Variants in SMARCA5 observed in about 807,000 individuals in gnomAD.
SMARCA5 encodes SWI/SNF-related matrix-associated actin-dependent regulator of chromatin subfamily A member 5.
A neutral mutation model predicts 140.4 loss-of-function variants in SMARCA5; 18 were observed. That is an observed-to-expected ratio of 0.13 (90% CI 0.09 to 0.19). SMARCA5 has a LOEUF of 0.19. SMARCA5 is among the 10% of genes least tolerant of loss of function. The pLI is 1.00. For synonymous variants in SMARCA5, 449 were observed against 419.6 expected (o/e 1.07, Z -0.86); for missense variants, 606 against 1,276.8 (o/e 0.47, Z 8.01).
At chr4:143,539,697 T>G (rs1737389980) in intron 13 of SMARCA5, among the ~76,000 whole-genome samples, 1 of 151,972 alleles carries the variant, frequency 6.6e-6, no homozygotes, top group Non-Finnish European at 1.5e-5. Flanking sequence ...CCACCACGCC[T>G]GACTAATTTT....
Position 143,513,892 on chromosome 4 carries a change from T to C in SMARCA5, c.-33T>C. ...CGTCCATCCCCGCCGGACTCGGGCC[T>C]CTGGCAGCAGCGGGTGACGCAGACG... On this transcript the variant is annotated 5_prime_UTR_variant, in exon 1 of 24. Transcript: ENST00000283131. The C allele has an allele frequency of 6.5e-7, 1 of 1,533,446 alleles. No individual in the cohort carries two copies. 95.0% of individuals were successfully genotyped at this position (1,533,446 alleles called of 1,614,324 possible).
Position 143,553,103 on chromosome 4 carries a change from TTC to T in SMARCA5, c.3094-14_3094-13del, listed in dbSNP as rs1553962760. ...ATATTAGTCTTGTGAAAAGTAATCC[TTC>T]TGTCTGTTTGTAGACACAGAAACGT... On this transcript the variant is annotated splice_polypyrimidine_tract_variant and intron_variant, in intron 23 of 23. Transcript: ENST00000283131. 6.2e-7 allele frequency: 1 copy of T among 1,601,762 alleles called. No individual in the cohort carries two copies. The highest frequency in any genetic ancestry group is 8.6e-7 in the Non-Finnish European group (1 of 1,169,158).
intron 16 of SMARCA5, 160 bp downstream of exon 16, chr4:143,544,132 G>A: frequency 2.3e-6 from 1 of 434,768 alleles, no homozygotes; most frequent in Non-Finnish European, 4.0e-6. Flanking sequence ...TTTAATGCCA[G>A]TTTTTCAGTT....
intron 20 of SMARCA5, 121 bp from the exon 21 acceptor site, chr4:143,547,264 A>C: frequency 1.6e-6 from 1 of 610,238 alleles, no homozygotes; most frequent in Non-Finnish European, 2.9e-6. Flanking sequence ...TGCTGTGGTG[A>C]GTCTGCTTAG....
At chr4:143,528,082 T>A in intron 7 of SMARCA5, 59 bp downstream of exon 7, 1 of 1,347,288 alleles carries the variant, frequency 7.4e-7, no homozygotes. Flanking sequence ...AAGTACAGAT[T>A]TTTTTTTCTT....
chr4:143,528,579 T>C lies in SMARCA5; in HGVS notation c.958-4T>C, dbSNP rs779926206. The C allele has an allele frequency of 4.3e-6, 7 of 1,609,282 alleles. 1 individual carries two copies. The Middle Eastern group carries it at 6.6e-4, about 153-fold the overall frequency. On this transcript the variant is annotated splice_polypyrimidine_tract_variant and splice_region_variant and intron_variant, in intron 7 of 23. Coordinates refer to ENST00000283131, the MANE Select transcript of SMARCA5 (RefSeq NM_003601.4). ...TAATGGTGTATTTGGTTCTTTTCTTTCAGTTGTCAGAAATAGTGAGGGAAT... is the reference window on the plus strand; with the variant it reads ...TAATGGTGTATTTGGTTCTTTTCTTCCAGTTGTCAGAAATAGTGAGGGAAT...
intron 14 of SMARCA5, 97 bp from the exon 15 acceptor site, chr4:143,543,412 T>C: frequency 1.0e-6 from 1 of 980,376 alleles, no homozygotes; most frequent in Middle Eastern, 3.1e-4. Flanking sequence ...ACATTTGAGA[T>C]AAAATTATAA....
rs540504088 is a variant in SMARCA5 at position 143,528,471 on chromosome 4, T to C, written c.958-112T>C. The C allele has an allele frequency of 7.1e-6, 6 of 841,374 alleles. No individual in the cohort carries two copies. The South Asian group carries it at 9.3e-5, about 13-fold the overall frequency. The allele number at this position is 841,374 out of a possible 1,614,324, so 52.1% of individuals were successfully genotyped here. A position where few individuals can be genotyped will look rare whatever the true frequency, so the allele number is the denominator to read the frequency against. Reference sequence around the variant, plus strand: ...TCGCTGATGTATATGTGCCATATTTTCTTTAACCGGTCTATCATTGTTGGG... The same window carrying C: ...TCGCTGATGTATATGTGCCATATTTCCTTTAACCGGTCTATCATTGTTGGG... On this transcript the variant is annotated intron_variant, in intron 7 of 23. Coordinates refer to ENST00000283131, the MANE Select transcript of SMARCA5 (RefSeq NM_003601.4).
Position 143,557,169 on chromosome 4 carries a change from G to A in SMARCA5, c.*3985G>A, listed in dbSNP as rs1407061555. 2 of 152,168 alleles carry A rather than the reference G, an allele frequency of 1.3e-5. No individual in the cohort carries two copies. The highest frequency in any genetic ancestry group is 2.9e-5 in the Non-Finnish European group (2 of 68,032). 9.4% of individuals were successfully genotyped at this position (152,168 alleles called of 1,614,324 possible). A position where few individuals can be genotyped will look rare whatever the true frequency, so the allele number is the denominator to read the frequency against. ...CTAGGTACTTGCCTTTAACTCTACA[G>A]CATACAAGGTGTGTGGCTCTTATCT... is the stretch of plus-strand genomic sequence containing the variant. On this transcript the variant is annotated 3_prime_UTR_variant, in exon 24 of 24. Transcript: ENST00000283131.
chr4:143,531,193 G>C (rs2149820211), intron 9 of SMARCA5, among the ~76,000 whole-genome samples: 1 of 152,266 alleles, frequency 6.6e-6, no homozygotes, highest in Non-Finnish European at 1.5e-5. Flanking sequence ...CTTTTGAAAG[G>C]GCTAAAGATC....
chr4:143,549,511 T>C (rs573892959), intron 22 of SMARCA5, among the ~76,000 whole-genome samples: 13 of 152,222 alleles, frequency 8.5e-5, no homozygotes, highest in Admixed American at 2.6e-4. Flanking sequence ...TAGACTTCCA[T>C]GGCTGGTTTT....
At position 143,555,377 on chromosome 4, in the gene SMARCA5, CCAT is replaced by C. The variant is rs1010584101; in HGVS notation, c.*2194_*2196del. ...ACTGCCACCATATCCATCACCACCA[CCAT>C]GGCTGCCACCAAAGCCACCACGATC... On this transcript the variant is annotated 3_prime_UTR_variant, in exon 24 of 24. Transcript: ENST00000283131. 127 of 693,400 alleles carry C rather than the reference CCAT, an allele frequency of 1.8e-4. No homozygotes were observed. In the Admixed American group the frequency reaches 2.2e-3, roughly 12 times the overall value. The allele number at this position is 693,400 out of a possible 1,614,324, so 43.0% of individuals were successfully genotyped here. A position where few individuals can be genotyped will look rare whatever the true frequency, so the allele number is the denominator to read the frequency against.
At chr4:143,522,152 A>C (rs1002057509) in intron 3 of SMARCA5, among the ~76,000 whole-genome samples, 2 of 152,174 alleles carry the variant, frequency 1.3e-5, no homozygotes, top group African/African-American at 4.8e-5. Context: ...TATTTTATCT[A>C]AAGTGTGGTG....
chr4:143,528,989 C>T (rs1737128519), intron 8 of SMARCA5, among the ~76,000 whole-genome samples: 2 of 152,026 alleles, frequency 1.3e-5, no homozygotes, highest in South Asian at 4.1e-4. Flanking sequence ...TGCTGAAGTG[C>T]AGTGGTGTGA....
chr4:143,527,186 T>C (rs1393406612), intron 6 of SMARCA5, among the ~76,000 whole-genome samples: 1 of 152,198 alleles, frequency 6.6e-6, no homozygotes, highest in Admixed American at 6.5e-5. Flanking sequence ...GACAACATCC[T>C]TGTGGGAAGA....
chr4:143,529,252 A>T (rs1324461324), intron 8 of SMARCA5, among the ~76,000 whole-genome samples: 1 of 152,026 alleles, frequency 6.6e-6, no homozygotes, highest in Non-Finnish European at 1.5e-5. Flanking sequence ...TCTTTAAATC[A>T]TTGTTTTCTC....
chr4:143,514,149 G>C, intron 1 of SMARCA5, 48 bp downstream of exon 1: 1 of 1,456,140 alleles, frequency 6.9e-7, no homozygotes, highest in Non-Finnish European at 9.0e-7. Context: ...GGGAGGAGGA[G>C]CTGGCTCCCT....
At chr4:143,514,542 A>T (rs1736782691) in intron 1 of SMARCA5, 1 of 159,054 alleles carries the variant, frequency 6.3e-6, no homozygotes, top group African/African-American at 2.4e-5. Context: ...GGAGGCATTT[A>T]AAAGCAGCGC....
rs750027958 is a variant in SMARCA5 at position 143,536,563 on chromosome 4, A to G, written c.1380A>G (p.Pro460=). 17 of 1,613,720 alleles carry G rather than the reference A, an allele frequency of 1.1e-5. No individual in the cohort carries two copies. Among genetic ancestry groups the G allele is most frequent in the Admixed American group, 1.7e-5 (1 of 59,998 alleles). The change falls in exon 11 of 24, where the codon CCA becomes CCG. Residue 460 remains proline, a synonymous_variant. Coordinates refer to ENST00000283131, the MANE Select transcript of SMARCA5 (RefSeq NM_003601.4). ...LMQLRKCCNH[P]YLFDGAEPGP... is the part of the protein sequence containing the mutation. ...AGTTGAGAAAATGTTGTAATCATCC[A>G]TATCTCTTTGATGGAGCAGAACCTG...
Sources: allele counts gnomAD v4.1 joint callset (sites outside exome capture counted in the v4.1 genomes callset), GRCh38; gene constraint gnomAD v4.1.1; transcripts MANE v1.5; gene names NCBI Gene and HGNC (gene_info 2026-07-23, HGNC 2026-07-21).